Variants in SLC37A3 observed in about 807,000 individuals in gnomAD.
SLC37A3 encodes the protein sugar phosphate exchanger 3.
SLC37A3 carries 51 observed loss-of-function variants against 67.1 expected under a neutral mutation model. The ratio of observed to expected loss-of-function variants is 0.76; its 90% confidence interval spans 0.61 to 0.96. The LOEUF is 0.96. Ranked by LOEUF, SLC37A3 falls within the 40% of genes least tolerant of loss-of-function variation. The pLI, the probability that SLC37A3 is intolerant of heterozygous loss-of-function variation, is 0.00. For missense variants in SLC37A3, 508 were observed against 603.0 expected, an observed-to-expected ratio of 0.84 and a Z score of 1.65; for synonymous variants, 214 against 231.4, an observed-to-expected ratio of 0.92 and a Z score of 0.68.
chr7:140,386,639 T>C (rs1798463324), intron 1 of SLC37A3: 1 of 152,140 alleles, frequency 6.6e-6, no homozygotes, highest in African/African-American at 2.4e-5. Context: ...ACTGAACAAA[T>C]GTGTAACATT....
chr7:140,367,931 T>C (rs753288157), intron 4 of SLC37A3, among the ~76,000 whole-genome samples: 35 of 151,720 alleles, frequency 2.3e-4, no homozygotes, highest in Admixed American at 3.9e-4. Context: ...GCAATTCTTC[T>C]GCCTCAGCCT....
At chr7:140,381,945 C>T (rs1313633334) in intron 2 of SLC37A3, among the ~76,000 whole-genome samples, 5 of 140,680 alleles carry the variant, frequency 3.6e-5, no homozygotes, top group African/African-American at 8.0e-5. Flanking sequence ...ACCCAGGAGG[C>T]GGAGGTTGCA....
At chr7:140,377,858 C>T (rs1309599848) in intron 3 of SLC37A3, among the ~76,000 whole-genome samples, 1 of 151,900 alleles carries the variant, frequency 6.6e-6, no homozygotes, top group African/African-American at 2.4e-5. Flanking sequence ...TAGCAAGAGC[C>T]CCGTCTCTTA....
chr7:140,355,141 T>A (rs566322109), intron 7 of SLC37A3, among the ~76,000 whole-genome samples: 21 of 152,292 alleles, frequency 1.4e-4, no homozygotes, highest in Admixed American at 5.9e-4. Context: ...GAATAATTTT[T>A]TATGTGTTTG....
At chr7:140,385,455 G>A (rs73163228) in intron 1 of SLC37A3, among the ~76,000 whole-genome samples, 5,060 of 152,172 alleles carry the variant, frequency 0.033, 127 homozygotes, top group South Asian at 0.13. Flanking sequence ...TCTATGAATC[G>A]TAGCTCTTTG....
intron 1 of SLC37A3, 132 bp downstream of exon 1, chr7:140,398,284 T>A (rs911587475): frequency 6.6e-6 from 1 of 152,136 alleles, no homozygotes; most frequent in East Asian, 1.9e-4. Flanking sequence ...CGGCCGACCC[T>A]GCCTGGGCGC....
intron 2 of SLC37A3, among the ~76,000 whole-genome samples, chr7:140,380,807 C>T (rs1798219747): frequency 6.6e-6 from 1 of 152,114 alleles, no homozygotes; most frequent in East Asian, 1.9e-4. Flanking sequence ...GTCTCAAACT[C>T]CTGGGCTCAA....
intron 1 of SLC37A3, among the ~76,000 whole-genome samples, chr7:140,396,880 C>G (rs1426748447): frequency 8.0e-6 from 1 of 125,016 alleles, no homozygotes; most frequent in African/African-American, 2.9e-5. Context: ...ATCTCAATTT[C>G]TGTTTTTTTT....
At chr7:140,372,734 G>C (rs1440503096) in intron 3 of SLC37A3, among the ~76,000 whole-genome samples, 1 of 151,788 alleles carries the variant, frequency 6.6e-6, no homozygotes, top group Non-Finnish European at 1.5e-5. Flanking sequence ...GTGGTGGTGG[G>C]CGCCTGTAAT....
Position 140,345,271 on chromosome 7 carries a change from G to A in SLC37A3, c.1127-8C>T, listed in dbSNP as rs371069050. Reference sequence around the variant, plus strand: ...ACTTATCATTTGGAGAACCTGTGAGGGAAGACACAGACAAACCATGGTGGC... The same window carrying A: ...ACTTATCATTTGGAGAACCTGTGAGAGAAGACACAGACAAACCATGGTGGC... On this transcript the variant is annotated splice_region_variant and splice_polypyrimidine_tract_variant and intron_variant, in intron 11 of 14. Transcript: ENST00000326232. 3.6e-5 allele frequency: 58 copies of A among 1,613,220 alleles called. No homozygotes were observed. Among genetic ancestry groups the A allele is most frequent in the Non-Finnish European group, 4.5e-5 (53 of 1,179,344 alleles).
At chr7:140,363,176 A>C (rs1585310486) in intron 5 of SLC37A3, among the ~76,000 whole-genome samples, 1 of 82,116 alleles carries the variant, frequency 1.2e-5, no homozygotes, top group African/African-American at 4.5e-5. Flanking sequence ...CCCGGCCACG[A>C]CCCCGTCTGG....
Position 140,334,607 on chromosome 7 carries a change from T to A in SLC37A3, c.*805A>T, listed in dbSNP as rs1796062991. 6.5e-6 allele frequency: 1 copy of A among 152,672 alleles called. No homozygotes were observed. Among genetic ancestry groups the A allele is most frequent in the Admixed American group, 6.5e-5 (1 of 15,274 alleles). 9.5% of individuals were successfully genotyped at this position (152,672 alleles called of 1,614,324 possible). ...GAGTGCTTCGGCTGTGAGTTACACG[T>A]CGGAATGTTCAAGATAAATGATGTA... On this transcript the variant is annotated 3_prime_UTR_variant, in exon 15 of 15. Transcript: ENST00000326232.
intron 1 of SLC37A3, among the ~76,000 whole-genome samples, chr7:140,387,424 G>A (rs1798496763): frequency 6.6e-6 from 1 of 151,390 alleles, no homozygotes; most frequent in Non-Finnish European, 1.5e-5. Context: ...GACCAGCCTG[G>A]CCAATGTGGC....
rs773450893 is a variant in SLC37A3, at chr7:140,380,265, C to A, written c.198+17G>T. 12 of 1,537,690 alleles carry A rather than the reference C, an allele frequency of 7.8e-6. No homozygotes were observed. Among genetic ancestry groups the A allele is most frequent in the Middle Eastern group, 1.7e-4 (1 of 5,892 alleles). On this transcript the variant is annotated intron_variant, in intron 3 of 14. Coordinates refer to ENST00000326232, the MANE Select transcript of SLC37A3 (RefSeq NM_207113.3). ...GGTCTCCTACTTCGATCCATCCCAG[C>A]ACTCTGTTCTGCTTACCTCCACAGG...
In SLC37A3 at chr7:140,378,866, G is replaced by A. The variant is rs571893359; in HGVS notation, c.198+1416C>T. On this transcript the variant is annotated intron_variant, in intron 3 of 14. Coordinates refer to ENST00000326232, the MANE Select transcript of SLC37A3 (RefSeq NM_207113.3). ...GAATTAGACTAGCTTGGCCAACATG[G>A]CGAAACCCCTTCTCTACTAAAAATA... Among the ~76,000 whole-genome samples, 36 of 151,832 alleles carry A rather than the reference G, an allele frequency of 2.4e-4. 1 individual carries two copies. The South Asian group carries it at 7.3e-3, about 31-fold the overall frequency.
intron 3 of SLC37A3, chr7:140,380,001 C>T: frequency 4.8e-6 from 1 of 206,396 alleles, no homozygotes; most frequent in Non-Finnish European, 9.7e-6. Flanking sequence ...TGCAAAATCT[C>T]AAAGACAGAA....
chr7:140,377,456 T>C (rs1180833972), intron 3 of SLC37A3, among the ~76,000 whole-genome samples: 1 of 152,196 alleles, frequency 6.6e-6, no homozygotes, highest in Non-Finnish European at 1.5e-5. Context: ...ATTTTTATTA[T>C]AGTTTTTAGC....
At chr7:140,394,847 T>TCCG (rs1017048463) in intron 1 of SLC37A3, among the ~76,000 whole-genome samples, 2 of 150,778 alleles carry the variant, frequency 1.3e-5, no homozygotes, top group Non-Finnish European at 3.0e-5. Flanking sequence ...GACCTCGTGA[T>TCCG]CCGCCTGCCT....
In SLC37A3 at chr7:140,351,282, T is replaced by C; in HGVS notation, c.873A>G (p.Gly291=). 6.2e-7 allele frequency: 1 copy of C among 1,614,026 alleles called. No individual in the cohort carries two copies. Among genetic ancestry groups the C allele is most frequent in the South Asian group, 1.1e-5 (1 of 91,066 alleles). The change falls in exon 9 of 15, where the codon GGA becomes GGG. Residue 291 remains glycine (G), a synonymous_variant. Transcript: ENST00000326232. ...TGTAAGCGGTCCTTACCGGTATGAC[T>C]CCAGGAAGGCAACATGCCTGGTAGA... ...ISFYQACCLP[G]VIPYSLAYAC... is the part of the protein sequence containing the mutation.
Sources: gnomAD v4.1 joint callset for allele counts (sites outside exome capture counted in the v4.1 genomes callset) on GRCh38, gnomAD v4.1.1 for gene constraint, MANE v1.5 for transcripts, NCBI Gene and HGNC (gene_info 2026-07-23, HGNC 2026-07-21) for gene names.